SERPINA10: variants seen among roughly 807,000 people sequenced by gnomAD.
The protein encoded by SERPINA10 is serpin family A member 10.
SERPINA10 carries 24 observed loss-of-function variants against 28.0 expected under a neutral mutation model. The observed-to-expected ratio is 0.86, with a 90% CI of 0.62 to 1.20. SERPINA10 has a LOEUF of 1.20. SERPINA10 is among the 50% of genes most tolerant of loss of function. The pLI, the probability that SERPINA10 is intolerant of heterozygous loss-of-function variation, is 0.00. For synonymous variants in SERPINA10, 207 were observed against 203.9 expected (o/e 1.02, Z -0.13); for missense variants, 521 against 537.7 (o/e 0.97, Z 0.31).
chr14:94,291,171 A>G (rs941575607), intron 1 of SERPINA10, among the ~76,000 whole-genome samples: 3 of 152,106 alleles, frequency 2.0e-5, no homozygotes, highest in African/African-American at 7.2e-5. Flanking sequence ...TGGATTTTTT[A>G]TCAAAATTCT....
Position 94,285,151 on chromosome 14 carries a change from G to A in SERPINA10, c.1143+957C>T, listed in dbSNP as rs191685369. 6.6e-5 allele frequency among the ~76,000 whole-genome samples: 10 copies of A among 152,268 alleles called. No homozygotes were observed. The East Asian group carries it at 1.5e-3, about 23-fold the overall frequency. ...GAAAATATTAAACCACACAGCTAAG[G>A]AAGAATGTAGAGAGATGTAGCTGCC... On this transcript the variant is annotated intron_variant, in intron 4 of 4. Coordinates refer to ENST00000261994, the MANE Select transcript of SERPINA10 (RefSeq NM_001100607.3).
chr14:94,292,501 A>T, intron 1 of SERPINA10: 2 of 677,516 alleles, frequency 3.0e-6, no homozygotes, highest in East Asian at 5.4e-5. Flanking sequence ...CTACATTAAG[A>T]CCACACAGAA....
At chr14:94,286,050 AT>A (rs1895014993) in intron 4 of SERPINA10, 57 bp downstream of exon 4, 1 of 1,600,886 alleles carries the variant, frequency 6.2e-7, no homozygotes, top group African/African-American at 1.3e-5. Flanking sequence ...TTGTAAAAGC[AT>A]TTGTTTTGGT....
chr14:94,290,600 G>A lies in SERPINA10; in HGVS notation c.-7C>T, dbSNP rs767682543. ...GACTTGGCACCACCTTCATGTGATC[G>A]GCTGCGGAGGCCAAGGAGTGCCTCC... On this transcript the variant is annotated 5_prime_UTR_variant, in exon 2 of 5. Coordinates refer to ENST00000261994, the MANE Select transcript of SERPINA10 (RefSeq NM_001100607.3). 5.8e-5 allele frequency: 93 copies of A among 1,612,766 alleles called. No individual in the cohort carries two copies. The Admixed American group carries it at 1.1e-3, about 19-fold the overall frequency.
At chr14:94,291,564 C>G (rs1439206219) in intron 1 of SERPINA10, among the ~76,000 whole-genome samples, 1 of 152,218 alleles carries the variant, frequency 6.6e-6, no homozygotes, top group Non-Finnish European at 1.5e-5. Context: ...CACTGCAGGC[C>G]TGATCCCAGA....
chr14:94,283,774 C>T lies in SERPINA10; in HGVS notation c.*191G>A. The T allele has an allele frequency of 1.6e-6, 1 of 623,412 alleles. No individual in the cohort carries two copies. The highest frequency in any genetic ancestry group is 2.8e-6 in the Non-Finnish European group (1 of 353,220). 38.6% of individuals were successfully genotyped at this position (623,412 alleles called of 1,614,324 possible). ...GTTCAGCACTGTCCACCGTTTCAGG[C>T]ATCTGCTGGGGGTCTTTGAATGTAT... On this transcript the variant is annotated 3_prime_UTR_variant, in exon 5 of 5. Transcript: ENST00000261994.
rs75414272 is a variant in SERPINA10, at chr14:94,281,635, C to G, written c.*2330G>C. 1 of 152,122 alleles carries G rather than the reference C, an allele frequency of 6.6e-6. No individual in the cohort carries two copies. The highest frequency in any genetic ancestry group is 1.9e-4 in the East Asian group (1 of 5,176). The allele number at this position is 152,122 out of a possible 1,614,324, so 9.4% of individuals were successfully genotyped here. On this transcript the variant is annotated 3_prime_UTR_variant, in exon 5 of 5. Coordinates refer to ENST00000261994, the MANE Select transcript of SERPINA10 (RefSeq NM_001100607.3). ...AATCTGAAACTGAGTGTCTTAGGAA[C>G]TTCTTAAAGCAAATGTGAGGGAACA...
Position 94,284,006 on chromosome 14 carries a change from G to C in SERPINA10, c.1294C>G (p.Leu432Val), listed in dbSNP as rs1396869186. 1 of 1,614,120 alleles carries C rather than the reference G, an allele frequency of 6.2e-7. No homozygotes were observed. The highest frequency in any genetic ancestry group is 1.1e-5 in the South Asian group (1 of 91,086). The change falls in exon 5 of 5, where the codon CTT (leucine) becomes GTT (valine). Residue 432 changes from leucine (L) to valine (V), a missense_variant. Physicochemically the swap from Leu to Val is conservative, Grantham distance 32. Transcript: ENST00000261994. ...FMIYEETSGM[L>V]LFLGRVVNPT... is the part of the protein sequence containing the mutation. The stretch of plus-strand genomic sequence containing the variant: ...TTCACCACCCTGCCCAGAAACAGAA[G>C]CATTCCAGAGGTTTCTTCATAGATC...
rs1170942832 is a variant in SERPINA10 at position 94,290,123 on chromosome 14, T to A, written c.471A>T (p.Glu157Asp). ...GLRETLSRNLELGLTQGSFAF... is the reference protein window; with the variant it reads ...GLRETLSRNLDLGLTQGSFAF... ...CAAAACTCCCCTGTGTGAGGCCCAG[T>A]TCCAGGTTGCGGGAGAGGGTCTCTC... The change falls in exon 2 of 5, where the codon GAA (glutamate) becomes GAT (aspartate). Residue 157 changes from glutamate (E) to aspartate (D), a missense_variant. Physicochemically the swap from Glu to Asp is conservative, Grantham distance 45 (BLOSUM62 2). Coordinates refer to ENST00000261994, the MANE Select transcript of SERPINA10 (RefSeq NM_001100607.3). 1 of 1,614,056 alleles carries A rather than the reference T, an allele frequency of 6.2e-7. No individual in the cohort carries two copies. Among genetic ancestry groups the A allele is most frequent in the East Asian group, 2.2e-5 (1 of 44,868 alleles).
rs1402834682 is a variant in SERPINA10 at position 94,282,982 on chromosome 14, T to C, written c.*983A>G. 6 of 152,204 alleles carry C rather than the reference T, an allele frequency of 3.9e-5. No homozygotes were observed. Among genetic ancestry groups the C allele is most frequent in the Non-Finnish European group, 8.8e-5 (6 of 68,044 alleles). The allele number at this position is 152,204 out of a possible 1,614,324, so 9.4% of individuals were successfully genotyped here. On this transcript the variant is annotated 3_prime_UTR_variant, in exon 5 of 5. Coordinates refer to ENST00000261994, the MANE Select transcript of SERPINA10 (RefSeq NM_001100607.3). ...CCAATGCCTCTGCCAAGCGATTTGA[T>C]GCACCATGGAAGCAGATGCTGTGAT...
chr14:94,283,879 T>G lies in SERPINA10; in HGVS notation c.*86A>C. ...TAAGAACAAAAGGAACACTCTCCCC[T>G]GCCATCCATTGCTGGTATCCTGTGT... On this transcript the variant is annotated 3_prime_UTR_variant, in exon 5 of 5. Coordinates refer to ENST00000261994, the MANE Select transcript of SERPINA10 (RefSeq NM_001100607.3). The G allele has an allele frequency of 7.6e-7, 1 of 1,311,198 alleles. No homozygotes were observed. The highest frequency in any genetic ancestry group is 1.2e-5 in the South Asian group (1 of 84,818). 81.2% of individuals were successfully genotyped at this position (1,311,198 alleles called of 1,614,324 possible).
chr14:94,292,268 C>G (rs956314090), intron 1 of SERPINA10, among the ~76,000 whole-genome samples: 1 of 152,064 alleles, frequency 6.6e-6, no homozygotes, highest in African/African-American at 2.4e-5. Context: ...AGAGCAGAGT[C>G]CCCCTCCGCA....
At position 94,285,520 on chromosome 14, in the gene SERPINA10, CACACACATAT is replaced by C. The variant is rs543028690; in HGVS notation, c.1143+578_1143+587del. Among the ~76,000 whole-genome samples the C allele has an allele frequency of 2.4e-4, 36 of 151,426 alleles. 1 individual carries two copies. The East Asian group carries it at 5.4e-3, about 23-fold the overall frequency. On this transcript the variant is annotated intron_variant, in intron 4 of 4. Coordinates refer to ENST00000261994, the MANE Select transcript of SERPINA10 (RefSeq NM_001100607.3). ...ATATGTGTGTGTATATATATATACA[CACACACATAT>C]ACACACATATACATTTATACACACA... is the stretch of plus-strand genomic sequence containing the variant.
Position 94,280,605 on chromosome 14 carries a change from TCA to T in SERPINA10, c.*3358_*3359del, listed in dbSNP as rs1894874862. ...AAGATGGATACTTTTGTGAAAGTTC[TCA>T]GTTTAACAACTTATCAAATTAATCC... On this transcript the variant is annotated 3_prime_UTR_variant, in exon 5 of 5. Transcript: ENST00000261994. 6.6e-6 allele frequency: 1 copy of T among 152,234 alleles called. No homozygotes were observed. The highest frequency in any genetic ancestry group is 2.4e-5 in the African/African-American group (1 of 41,470). 9.4% of individuals were successfully genotyped at this position (152,234 alleles called of 1,614,324 possible). A position where few individuals can be genotyped will look rare whatever the true frequency, so the allele number is the denominator to read the frequency against.
intron 3 of SERPINA10, among the ~76,000 whole-genome samples, chr14:94,286,995 T>C (rs1264190019): frequency 6.6e-6 from 1 of 152,174 alleles, no homozygotes; most frequent in Non-Finnish European, 1.5e-5. Context: ...GTCACAGGAT[T>C]CAGAAGCCAT....
intron 1 of SERPINA10, chr14:94,292,890 G>A: frequency 1.9e-6 from 1 of 531,564 alleles, no homozygotes; most frequent in East Asian, 2.9e-5. Context: ...CCTCAGCCCT[G>A]GGAAGGGGAG....
Position 94,290,517 on chromosome 14 carries a change from G to A in SERPINA10, c.77C>T (p.Pro26Leu). ...VWLVPGLAPSPQSPETPAPQN... is the reference protein window; with the variant it reads ...VWLVPGLAPSLQSPETPAPQN... ...AGGGGCTGGGGTCTCTGGCGACTGA[G>A]GACTGGGGGCCAAGCCGGGTACCAG... is the stretch of plus-strand genomic sequence containing the variant. Residue 26 changes from proline to leucine, a missense_variant, in exon 2 of 5, where the codon CCT (proline) becomes CTT (leucine). Physicochemically the swap from Pro to Leu is moderately conservative, Grantham distance 98 (BLOSUM62 -3). Transcript: ENST00000261994. The A allele has an allele frequency of 1.9e-6, 3 of 1,613,242 alleles. No individual in the cohort carries two copies. Among genetic ancestry groups the A allele is most frequent in the Non-Finnish European group, 1.7e-6 (2 of 1,179,716 alleles).
chr14:94,289,666 TAAG>T (rs1895110746), intron 2 of SERPINA10, among the ~76,000 whole-genome samples: 1 of 152,036 alleles, frequency 6.6e-6, no homozygotes, highest in Non-Finnish European at 1.5e-5. Context: ...CTGAAAATAA[TAAG>T]GACTACAAGC....
At chr14:94,289,790 T>C in intron 2 of SERPINA10, 86 bp downstream of exon 2, 4 of 1,382,662 alleles carry the variant, frequency 2.9e-6, no homozygotes, top group African/African-American at 2.8e-5. Context: ...CACGTAGCGT[T>C]AATCATATGC....
Sources: gnomAD v4.1 joint callset for allele counts (sites outside exome capture counted in the v4.1 genomes callset) on GRCh38, gnomAD v4.1.1 for gene constraint, MANE v1.5 for transcripts, NCBI Gene and HGNC (gene_info 2026-07-23, HGNC 2026-07-21) for gene names.